LTBP1: variants seen among roughly 807,000 people sequenced by gnomAD.
The protein encoded by LTBP1 is latent-transforming growth factor beta-binding protein 1.
Under a neutral mutation model 207.6 loss-of-function variants are expected in LTBP1, and 129 were observed. The observed-to-expected ratio is 0.62, with a 90% confidence interval of 0.54 to 0.72. The LOEUF is 0.72. LTBP1 is among the 30% of genes least tolerant of loss of function. The probability of loss-of-function intolerance (pLI) is 0.00; values close to 1 mark genes in which losing one functional copy is unlikely to be tolerated. For synonymous variants in LTBP1, 963 were observed against 833.7 expected (o/e 1.16, Z -2.67); for missense variants, 2,281 against 2,217.2 (o/e 1.03, Z -0.58).
rs1299458084 is a variant in LTBP1, at chr2:33,348,642, C to T, written c.4000+1132C>T. On this transcript the variant is annotated intron_variant, in intron 26 of 33. Transcript: ENST00000404816. ...TTTTGTTTGGTTCCATAGGGTAGCA[C>T]CTCACCTATAGTGTTATTTTGAATG... Among the ~76,000 whole-genome samples, 5 of 152,124 alleles carry T rather than the reference C, an allele frequency of 3.3e-5. No individual in the cohort carries two copies. In the East Asian group the frequency reaches 9.6e-4, roughly 29 times the overall value.
chr2:33,294,574 AAT>A (rs2093837516), intron 20 of LTBP1, among the ~76,000 whole-genome samples: 2 of 145,706 alleles, frequency 1.4e-5, no homozygotes, highest in African/African-American at 5.2e-5. Context: ...TATTGGGTAA[AAT>A]TTTTTTTTTT....
At chr2:33,293,057 G>A in intron 19 of LTBP1, 103 bp from the exon 20 acceptor site, 1 of 1,177,092 alleles carries the variant, frequency 8.5e-7, no homozygotes, top group Non-Finnish European at 1.2e-6. Flanking sequence ...AATCTGCCTG[G>A]TCTTCTGAAG....
intron 2 of LTBP1, among the ~76,000 whole-genome samples, chr2:32,968,597 G>T (rs997323915): frequency 6.6e-6 from 1 of 152,084 alleles, no homozygotes. Context: ...TTTAATGGGT[G>T]TATTGAGACC....
chr2:32,986,244 G>T (rs1408130548), intron 2 of LTBP1, among the ~76,000 whole-genome samples: 1 of 152,126 alleles, frequency 6.6e-6, no homozygotes, highest in African/African-American at 2.4e-5. Context: ...CTCCTAGGAT[G>T]ATGTTGGTGA....
chr2:33,053,341 C>T (rs538952512), intron 3 of LTBP1, among the ~76,000 whole-genome samples: 26 of 152,276 alleles, frequency 1.7e-4, no homozygotes, highest in Admixed American at 1.7e-3. Context: ...AATGATGAAC[C>T]TACATTGACA....
intron 4 of LTBP1, among the ~76,000 whole-genome samples, chr2:33,130,803 G>A (rs953326378): frequency 6.6e-6 from 1 of 152,176 alleles, no homozygotes; most frequent in Non-Finnish European, 1.5e-5. Context: ...CAGGCAATCT[G>A]TGCCTCTAGC....
chr2:33,260,963 A>G (rs1029349396), intron 13 of LTBP1, among the ~76,000 whole-genome samples: 2 of 152,218 alleles, frequency 1.3e-5, no homozygotes, highest in Non-Finnish European at 2.9e-5. Context: ...CGAAAAATGC[A>G]ATCATAGCCT....
At chr2:33,270,412 A>C (rs1209183639) in intron 15 of LTBP1, among the ~76,000 whole-genome samples, 1 of 151,180 alleles carries the variant, frequency 6.6e-6, no homozygotes, top group Admixed American at 6.6e-5. Context: ...ACACGATGAA[A>C]CCCCGTCTCT....
At chr2:32,953,593 A>G (rs1376270359) in intron 2 of LTBP1, among the ~76,000 whole-genome samples, 3 of 152,154 alleles carry the variant, frequency 2.0e-5, no homozygotes, top group Non-Finnish European at 4.4e-5. Context: ...AGGAACCATA[A>G]CACTGTAATA....
Position 33,316,739 on chromosome 2 carries a change from C to T in LTBP1, c.3730+1470C>T, listed in dbSNP as rs559428878. Among the ~76,000 whole-genome samples, 177 of 152,276 alleles carry T rather than the reference C, an allele frequency of 1.2e-3. 2 individuals are homozygous for T. The highest frequency in any genetic ancestry group is 4.2e-3 in the African/African-American group (173 of 41,572). On this transcript the variant is annotated intron_variant, in intron 24 of 33. Transcript: ENST00000404816. ...TTGAGACCAGAGCTTTTAGCAAAGA[C>T]ACTCCATGAATGCATACATTCTTCT...
intron 31 of LTBP1, among the ~76,000 whole-genome samples, chr2:33,376,012 A>G (rs546601623): frequency 1.3e-5 from 2 of 152,330 alleles, no homozygotes; most frequent in African/African-American, 4.8e-5. Flanking sequence ...TGTCTCAAAG[A>G]ACGGATTAAA....
At chr2:32,972,618 C>T (rs1681076707) in intron 2 of LTBP1, among the ~76,000 whole-genome samples, 1 of 152,064 alleles carries the variant, frequency 6.6e-6, no homozygotes, top group Non-Finnish European at 1.5e-5. Flanking sequence ...AATCTCATCC[C>T]AAATTGTAAT....
At chr2:33,254,262 TTTA>T (rs2092765456) in intron 11 of LTBP1, among the ~76,000 whole-genome samples, 1 of 152,138 alleles carries the variant, frequency 6.6e-6, no homozygotes. Flanking sequence ...AGTTTGTGAA[TTTA>T]TTATGCGTAT....
At chr2:33,387,478 C>A (rs1574119345) in intron 31 of LTBP1, among the ~76,000 whole-genome samples, 1 of 152,182 alleles carries the variant, frequency 6.6e-6, no homozygotes, top group Non-Finnish European at 1.5e-5. Flanking sequence ...TGCTGGGACG[C>A]CTGGAGTCTG....
chr2:33,222,844 C>T lies in LTBP1; in HGVS notation c.1876+693C>T, dbSNP rs79566163. On this transcript the variant is annotated intron_variant, in intron 9 of 33. Coordinates refer to ENST00000404816, the MANE Select transcript of LTBP1 (RefSeq NM_206943.4). The stretch of plus-strand genomic sequence containing the variant: ...AGTTTACCAAGGCCTAGTTTAGTAC[C>T]CATATATGATATCATATTTTGTTTT... 2.9e-4 allele frequency among the ~76,000 whole-genome samples: 44 copies of T among 152,244 alleles called. No individual in the cohort carries two copies. In the East Asian group the frequency reaches 7.3e-3, roughly 25 times the overall value.
intron 20 of LTBP1, among the ~76,000 whole-genome samples, chr2:33,300,195 C>G (rs2093958500): frequency 6.6e-6 from 1 of 152,178 alleles, no homozygotes; most frequent in Admixed American, 6.5e-5. Flanking sequence ...TATTCCAAGA[C>G]ACTGATGGTG....
intron 3 of LTBP1, among the ~76,000 whole-genome samples, chr2:33,077,320 A>G (rs958533538): frequency 2.6e-5 from 4 of 152,236 alleles, no homozygotes; most frequent in Non-Finnish European, 5.9e-5. Flanking sequence ...AAAAGCGTAT[A>G]AGTCCGTTCT....
chr2:33,197,651 T>A (rs1265505948), intron 7 of LTBP1, among the ~76,000 whole-genome samples: 1 of 152,232 alleles, frequency 6.6e-6, no homozygotes, highest in Non-Finnish European at 1.5e-5. Flanking sequence ...ACTTTTTGAT[T>A]GTTTCAAACA....
chr2:32,973,005 G>T (rs543158796), intron 2 of LTBP1, among the ~76,000 whole-genome samples: 1 of 152,136 alleles, frequency 6.6e-6, no homozygotes, highest in Non-Finnish European at 1.5e-5. Flanking sequence ...GTCCAAGGGT[G>T]GTTGGTATTA....
Sources: gnomAD v4.1 joint callset for allele counts (sites outside exome capture counted in the v4.1 genomes callset) on GRCh38, gnomAD v4.1.1 for gene constraint, MANE v1.5 for transcripts, NCBI Gene and HGNC (gene_info 2026-07-23, HGNC 2026-07-21) for gene names.